P4HA3: variants seen among roughly 807,000 people sequenced by gnomAD.
The protein encoded by P4HA3 is prolyl 4-hydroxylase subunit alpha-3.
P4HA3 carries 60 observed loss-of-function variants against 66.7 expected under a neutral mutation model. The observed-to-expected ratio is 0.90, with a 90% CI of 0.73 to 1.12. The LOEUF is 1.12. P4HA3 is among the 50% of genes most tolerant of loss of function. The pLI, the probability that P4HA3 is intolerant of heterozygous loss-of-function variation, is 0.00. For missense variants in P4HA3, 683 were observed against 685.8 expected, an observed-to-expected ratio of 1.00 and a Z score of 0.05; for synonymous variants, 263 against 274.6, an observed-to-expected ratio of 0.96 and a Z score of 0.42.
chr11:74,270,217 T>C (rs542776695), intron 10 of P4HA3, among the ~76,000 whole-genome samples: 6 of 152,344 alleles, frequency 3.9e-5, no homozygotes, highest in African/African-American at 1.2e-4. Context: ...ACTAAATTAA[T>C]CTCACAACCT....
chr11:74,283,785 C>A (rs1367702955), intron 7 of P4HA3, among the ~76,000 whole-genome samples: 1 of 152,232 alleles, frequency 6.6e-6, no homozygotes, highest in Non-Finnish European at 1.5e-5. Flanking sequence ...TGATAGATGT[C>A]ACCTCCACAG....
At chr11:74,290,753 GTAGA>G (rs1482215011) in intron 4 of P4HA3, among the ~76,000 whole-genome samples, 2 of 152,176 alleles carry the variant, frequency 1.3e-5, no homozygotes, top group Non-Finnish European at 2.9e-5. Context: ...TCAGATAGTT[GTAGA>G]TATGCGGCAT....
intron 15 of P4HA3, chr11:74,252,414 C>T (rs1046383934): frequency 2.4e-5 from 11 of 454,402 alleles, no homozygotes; most frequent in Non-Finnish European, 4.0e-5. Flanking sequence ...GGGTTTTCTA[C>T]AGTGTTGCAC....
intron 1 of P4HA3, among the ~76,000 whole-genome samples, chr11:74,306,086 G>GC (rs1861572758): frequency 6.6e-6 from 1 of 152,164 alleles, no homozygotes; most frequent in Admixed American, 6.5e-5. Flanking sequence ...CTTCAAAACT[G>GC]CAAGCACAAG....
downstream of P4HA3, among the ~76,000 whole-genome samples, chr11:74,265,806 T>A (rs1035657386): frequency 6.6e-6 from 1 of 152,092 alleles, no homozygotes; most frequent in African/African-American, 2.4e-5. Context: ...GGCAAATATA[T>A]AAACATTGAA....
chr11:74,301,345 G>A (rs931448052), intron 3 of P4HA3, among the ~76,000 whole-genome samples: 1 of 152,026 alleles, frequency 6.6e-6, no homozygotes, highest in Non-Finnish European at 1.5e-5. Flanking sequence ...TTCAACATAC[G>A]GTTTTACTTT....
intron 4 of P4HA3, among the ~76,000 whole-genome samples, chr11:74,292,334 C>G: frequency 6.6e-6 from 1 of 152,028 alleles, no homozygotes; most frequent in Non-Finnish European, 1.5e-5. Flanking sequence ...ATTCTTCTCT[C>G]TTTTCTTCTT....
intron 1 of P4HA3, 49 bp downstream of exon 1, chr11:74,311,363 G>A (rs1861737881): frequency 6.9e-6 from 10 of 1,440,466 alleles, no homozygotes; most frequent in Non-Finnish European, 9.1e-6. Context: ...CTGCGGCACA[G>A]TGTATCCCAC....
At chr11:74,265,557 C>T (rs952248847), downstream of P4HA3, among the ~76,000 whole-genome samples, 1 of 152,320 alleles carries the variant, frequency 6.6e-6, no homozygotes, top group Non-Finnish European at 1.5e-5. Flanking sequence ...CTTAAATGTT[C>T]TCTTGGCACA....
At position 74,267,291 on chromosome 11, in the gene P4HA3, C is replaced by T; in HGVS notation, c.1592G>A (p.Gly531Glu). 2 of 1,614,220 alleles carry T rather than the reference C, an allele frequency of 1.2e-6. No homozygotes were observed. The highest frequency in any genetic ancestry group is 2.2e-5 in the East Asian group (1 of 44,884). Residue 531 changes from glycine to glutamate, a missense_variant, in exon 13 of 13, where the codon GGA (glycine) becomes GAA (glutamate). By Grantham distance (98) the Gly-to-Glu change is moderately conservative. Coordinates refer to ENST00000331597, the MANE Select transcript of P4HA3 (RefSeq NM_182904.5). Reference sequence around the variant, plus strand: ...GCTGCAGGGTCTGCGGAATTCCTGTCCATACTCATGTATCCACTTGTTGGC... The same window carrying T: ...GCTGCAGGGTCTGCGGAATTCCTGTTCATACTCATGTATCCACTTGTTGGC... ...WVANKWIHEY[G>E]QEFRRPCSSS...
chr11:74,277,055 T>C lies in P4HA3; in HGVS notation c.1265A>G (p.Tyr422Cys), dbSNP rs781232004. Residue 422 changes from tyrosine to cysteine, a missense_variant, in exon 9 of 13, where the codon TAT becomes TGT. Tyr to Cys is a radical substitution (Grantham distance 194). Coordinates refer to ENST00000331597, the MANE Select transcript of P4HA3 (RefSeq NM_182904.5). ...ALTGLDVRPP[Y>C]AEYLQVVNYG... ...GTTCACCACCTGCAGATACTCTGCA[T>C]AGGGAGGCCGGACATCAAGGCCTGT... 6.8e-6 allele frequency: 11 copies of C among 1,613,986 alleles called. No individual in the cohort carries two copies. The highest frequency in any genetic ancestry group is 3.3e-5 in the Admixed American group (2 of 59,994).
At chr11:74,279,333 T>C (rs1860510381) in intron 8 of P4HA3, 55 bp downstream of exon 8, 2 of 1,541,482 alleles carry the variant, frequency 1.3e-6, no homozygotes, top group East Asian at 2.2e-5. Context: ...GGCAGTCAGC[T>C]ATGCTACGGC....
chr11:74,305,878 T>A (rs1861565804), intron 1 of P4HA3, among the ~76,000 whole-genome samples: 1 of 152,100 alleles, frequency 6.6e-6, no homozygotes, highest in Non-Finnish European at 1.5e-5. Flanking sequence ...GGATCCACAG[T>A]TTAGTGAGTA....
intron 4 of P4HA3, among the ~76,000 whole-genome samples, chr11:74,290,571 G>A (rs939374070): frequency 9.9e-5 from 15 of 151,742 alleles, no homozygotes; most frequent in African/African-American, 3.4e-4. Context: ...GGTTTTTACG[G>A]TTTTAGGTCT....
intron 7 of P4HA3, among the ~76,000 whole-genome samples, chr11:74,282,943 C>T (rs1253461625): frequency 1.3e-5 from 2 of 152,240 alleles, no homozygotes; most frequent in East Asian, 1.9e-4. Flanking sequence ...GCGGGCCCAG[C>T]GAAGGTGCAG....
intron 7 of P4HA3, among the ~76,000 whole-genome samples, chr11:74,282,961 A>T (rs779363437): frequency 6.6e-6 from 1 of 152,218 alleles, no homozygotes; most frequent in Admixed American, 6.5e-5. Context: ...CAGGGCTTCA[A>T]CTGAGTCTTC....
At chr11:74,280,174 G>C (rs890271822) in intron 7 of P4HA3, among the ~76,000 whole-genome samples, 2 of 152,028 alleles carry the variant, frequency 1.3e-5, no homozygotes, top group South Asian at 4.2e-4. Context: ...TATCTTTAGA[G>C]ACAGGGTCTT....
At chr11:74,253,051 A>G (rs1379027498) in intron 15 of P4HA3, among the ~76,000 whole-genome samples, 2 of 152,318 alleles carry the variant, frequency 1.3e-5, no homozygotes, top group East Asian at 1.9e-4. Flanking sequence ...AAGTTTGCAG[A>G]AGAAATATTA....
chr11:74,285,075 A>G (rs1849903180), intron 7 of P4HA3, among the ~76,000 whole-genome samples: 1 of 152,078 alleles, frequency 6.6e-6, no homozygotes, highest in Admixed American at 6.5e-5. Flanking sequence ...TAAATGAGGC[A>G]CAGAGATTAA....
Sources: gnomAD v4.1 joint callset for allele counts (sites outside exome capture counted in the v4.1 genomes callset) on GRCh38, gnomAD v4.1.1 for gene constraint, MANE v1.5 for transcripts, NCBI Gene and HGNC (gene_info 2026-07-23, HGNC 2026-07-21) for gene names.